Variants in SAMD4A observed in about 807,000 individuals in gnomAD.
SAMD4A encodes the protein protein Smaug homolog 1.
In SAMD4A, 33 loss-of-function variants were observed where a neutral mutation model predicts 81.3. The observed-to-expected ratio is 0.41, with a 90% CI of 0.31 to 0.54. The LOEUF is 0.54. Ranked by LOEUF, SAMD4A falls within the 20% of genes least tolerant of loss-of-function variation. The pLI, the probability that SAMD4A is intolerant of heterozygous loss-of-function variation, is 0.37. For missense variants in SAMD4A, 854 were observed against 951.1 expected (o/e 0.90, Z 1.34); for synonymous variants, 389 against 382.1 (o/e 1.02, Z -0.21).
At chr14:54,611,860 GA>G (rs2034364481) in intron 2 of SAMD4A, among the ~76,000 whole-genome samples, 1 of 150,112 alleles carries the variant, frequency 6.7e-6, no homozygotes, top group Non-Finnish European at 1.5e-5. Flanking sequence ...CTGGGTGACA[GA>G]GTGAGACTCT....
chr14:54,567,994 G>C lies in SAMD4A; in HGVS notation c.78G>C (p.Leu26=). Residue 26 remains leucine, a synonymous_variant, in exon 2 of 13, where the codon CTG becomes CTC. Transcript: ENST00000554335. ...GWNECEQTVA[L]LSLLKRVSQT... ...ACGAGTGCGAGCAGACTGTTGCGCT[G>C]CTGTCGCTGCTCAAGCGCGTGAGCC... 3 of 1,609,286 alleles carry C rather than the reference G, an allele frequency of 1.9e-6. No homozygotes were observed. Among genetic ancestry groups the C allele is most frequent in the Non-Finnish European group, 2.5e-6 (3 of 1,179,566 alleles).
At chr14:54,678,605 G>C (rs1034710883) in intron 2 of SAMD4A, among the ~76,000 whole-genome samples, 2 of 150,804 alleles carry the variant, frequency 1.3e-5, no homozygotes, top group Non-Finnish European at 3.0e-5. Context: ...CCGGAGTGCA[G>C]CGGCGCGATC....
chr14:54,606,212 T>TGTGCGC (rs1051852191), intron 2 of SAMD4A, among the ~76,000 whole-genome samples: 8 of 150,370 alleles, frequency 5.3e-5, no homozygotes, highest in African/African-American at 1.7e-4. Flanking sequence ...TGTGTGTGTG[T>TGTGCGC]GCGTGCACGT....
At chr14:54,718,863 G>A (rs1164811905) in intron 3 of SAMD4A, among the ~76,000 whole-genome samples, 1 of 151,976 alleles carries the variant, frequency 6.6e-6, no homozygotes, top group East Asian at 1.9e-4. Context: ...AATCAGCTGG[G>A]CGTGTGGCGG....
chr14:54,594,483 C>T (rs957494349), intron 2 of SAMD4A, among the ~76,000 whole-genome samples: 1 of 152,050 alleles, frequency 6.6e-6, no homozygotes, highest in Admixed American at 6.5e-5. Flanking sequence ...ATGTTCAGAC[C>T]TTTGAAGTAT....
At chr14:54,707,224 C>A (rs1304712131) in intron 3 of SAMD4A, among the ~76,000 whole-genome samples, 1 of 151,698 alleles carries the variant, frequency 6.6e-6, no homozygotes, top group Non-Finnish European at 1.5e-5. Flanking sequence ...CCACCTCAGC[C>A]TCTTGAGTAT....
upstream of SAMD4A, among the ~76,000 whole-genome samples, chr14:54,566,666 C>T (rs897336731): frequency 9.9e-5 from 15 of 151,778 alleles, no homozygotes; most frequent in Admixed American, 9.8e-4. Context: ...CGCTGTGCCG[C>T]CCTCGGCCTG....
chr14:54,669,051 T>G (rs1272461999), intron 2 of SAMD4A, among the ~76,000 whole-genome samples: 3 of 152,228 alleles, frequency 2.0e-5, no homozygotes, highest in African/African-American at 7.2e-5. Context: ...TTATCTTCCT[T>G]TAATTTAAAT....
intron 2 of SAMD4A, among the ~76,000 whole-genome samples, chr14:54,673,482 C>A (rs2057370): frequency 6.6e-6 from 1 of 152,156 alleles, no homozygotes; most frequent in Non-Finnish European, 1.5e-5. Flanking sequence ...GGTTTTGTGA[C>A]GGCAGCGTCA....
chr14:54,699,906 G>A (rs753325352), intron 2 of SAMD4A, among the ~76,000 whole-genome samples: 11 of 151,688 alleles, frequency 7.3e-5, no homozygotes, highest in Admixed American at 5.2e-4. Flanking sequence ...CTCCTGCTTC[G>A]GTTTGGAGAC....
chr14:54,707,888 T>C (rs905702625), intron 3 of SAMD4A, among the ~76,000 whole-genome samples: 9 of 152,032 alleles, frequency 5.9e-5, no homozygotes, highest in African/African-American at 2.2e-4. Flanking sequence ...CTGAAAGGGA[T>C]TGAACGAGGT....
At chr14:54,774,900 T>G (rs2038800992) in intron 9 of SAMD4A, 34 bp from the exon 10 acceptor site, 3 of 1,609,776 alleles carry the variant, frequency 1.9e-6, no homozygotes, top group Non-Finnish European at 2.6e-6. Flanking sequence ...GAATAACGAC[T>G]GATATTCTCT....
chr14:54,606,896 G>A (rs1566544355), intron 2 of SAMD4A, among the ~76,000 whole-genome samples: 6 of 152,214 alleles, frequency 3.9e-5, no homozygotes, highest in Admixed American at 3.9e-4. Context: ...TCCCTTTGGA[G>A]GGAAGATCTT....
At chr14:54,575,926 C>A (rs1347154448) in intron 2 of SAMD4A, among the ~76,000 whole-genome samples, 1 of 150,176 alleles carries the variant, frequency 6.7e-6, no homozygotes, top group East Asian at 2.0e-4. Context: ...TTTGAATATG[C>A]TGAAATTTCC....
intron 2 of SAMD4A, among the ~76,000 whole-genome samples, chr14:54,677,405 A>T (rs2036015854): frequency 6.6e-6 from 1 of 152,234 alleles, no homozygotes; most frequent in South Asian, 2.1e-4. Context: ...CCACGCACAT[A>T]GTATTCTAAT....
At chr14:54,616,334 T>C (rs919092844) in intron 2 of SAMD4A, among the ~76,000 whole-genome samples, 11 of 152,254 alleles carry the variant, frequency 7.2e-5, no homozygotes, top group South Asian at 4.1e-4. Flanking sequence ...TTTGATTCTT[T>C]AGAAGTTCTT....
At chr14:54,634,250 C>T (rs1335159118) in intron 2 of SAMD4A, among the ~76,000 whole-genome samples, 2 of 125,138 alleles carry the variant, frequency 1.6e-5, no homozygotes, top group Non-Finnish European at 3.1e-5. Context: ...CATGCCGCTG[C>T]ACTCCAGCCC....
chr14:54,675,321 G>C (rs1431731716), intron 2 of SAMD4A, among the ~76,000 whole-genome samples: 1 of 133,612 alleles, frequency 7.5e-6, no homozygotes, highest in Non-Finnish European at 1.5e-5. Flanking sequence ...AGCCGAGATT[G>C]TGCCATTGCA....
chr14:54,567,839 G>A lies in SAMD4A; in HGVS notation c.-78G>A. 2 of 1,488,336 alleles carry A rather than the reference G, an allele frequency of 1.3e-6. No individual in the cohort carries two copies. Among genetic ancestry groups the A allele is most frequent in the Non-Finnish European group, 1.8e-6 (2 of 1,113,928 alleles). 92.2% of individuals were successfully genotyped at this position (1,488,336 alleles called of 1,614,324 possible). A position where few individuals can be genotyped will look rare whatever the true frequency, so the allele number is the denominator to read the frequency against. On this transcript the variant is annotated 5_prime_UTR_variant, in exon 2 of 13. Coordinates refer to ENST00000554335, the MANE Select transcript of SAMD4A (RefSeq NM_015589.6). ...ACGCGTCTCCGGCCGCGGGGCTGCG[G>A]CTCCGCCAAACTTTGGGGCGGGCGG...
Sources: gnomAD v4.1 joint callset for allele counts (sites outside exome capture counted in the v4.1 genomes callset) on GRCh38, gnomAD v4.1.1 for gene constraint, MANE v1.5 for transcripts, NCBI Gene and HGNC (gene_info 2026-07-23, HGNC 2026-07-21) for gene names.